Variants in INSYN2B observed in about 807,000 individuals in gnomAD.
INSYN2B encodes inhibitory synaptic factor family member 2B.
INSYN2B carries 16 observed loss-of-function variants against 41.2 expected under a neutral mutation model. The observed-to-expected ratio is 0.39, with a 90% CI of 0.26 to 0.59. INSYN2B has a LOEUF of 0.59. Ranked by LOEUF, INSYN2B falls within the 20% of genes least tolerant of loss-of-function variation. INSYN2B has a pLI of 0.57. For missense variants in INSYN2B, 608 were observed against 646.4 expected (o/e 0.94, Z 0.64); for synonymous variants, 245 against 244.4 (o/e 1.00, Z -0.02).
chr5:169,883,259 A>T lies in INSYN2B; in HGVS notation c.640T>A (p.Trp214Arg). The change falls in exon 2 of 4, where the codon TGG becomes AGG. Residue 214 changes from tryptophan to arginine, a missense_variant. Transcript: ENST00000377365. ...VPDDIYHSPS[W>R]EARESALSPD... ...CTGAGAGCAGACTCTCTAGCTTCCC[A>T]GGAAGGACTGTGATAAATATCATCT... 1 of 1,551,630 alleles carries T rather than the reference A, an allele frequency of 6.4e-7. No individual in the cohort carries two copies. Among genetic ancestry groups the T allele is most frequent in the East Asian group, 2.4e-5 (1 of 40,912 alleles).
At chr5:169,905,660 T>G (rs1274004445) in intron 1 of INSYN2B, among the ~76,000 whole-genome samples, 1 of 152,154 alleles carries the variant, frequency 6.6e-6, no homozygotes, top group African/African-American at 2.4e-5. Flanking sequence ...AGGCAGGGAC[T>G]GGACAAACCA....
At chr5:169,929,551 A>G (rs752826427) in intron 1 of INSYN2B, among the ~76,000 whole-genome samples, 1 of 152,054 alleles carries the variant, frequency 6.6e-6, no homozygotes, top group Non-Finnish European at 1.5e-5. Context: ...AGCCTGGGCA[A>G]CATGATGAAA....
intron 1 of INSYN2B, among the ~76,000 whole-genome samples, chr5:169,978,346 A>G (rs1777794069): frequency 8.7e-6 from 1 of 115,328 alleles, no homozygotes; most frequent in African/African-American, 3.4e-5. Flanking sequence ...CTCAGTTCAC[A>G]TGGCACTGCA....
chr5:169,966,076 T>G (rs913458540), intron 1 of INSYN2B, among the ~76,000 whole-genome samples: 1 of 152,208 alleles, frequency 6.6e-6, no homozygotes, highest in Non-Finnish European at 1.5e-5. Context: ...TCTGCCAATC[T>G]CGAAATGGCA....
intron 3 of INSYN2B, among the ~76,000 whole-genome samples, chr5:169,871,738 C>T (rs1422979822): frequency 6.6e-6 from 1 of 152,088 alleles, no homozygotes. Context: ...GCCTGGTGCT[C>T]CTGGATGACC....
intron 1 of INSYN2B, among the ~76,000 whole-genome samples, chr5:169,901,161 G>T (rs1352047198): frequency 6.6e-6 from 1 of 152,168 alleles, no homozygotes; most frequent in Non-Finnish European, 1.5e-5. Flanking sequence ...GAGGGATGGT[G>T]GGTGTGATTG....
intron 1 of INSYN2B, among the ~76,000 whole-genome samples, chr5:169,906,002 C>T (rs1774254617): frequency 6.6e-6 from 1 of 152,168 alleles, no homozygotes; most frequent in Admixed American, 6.5e-5. Context: ...TTTTCTCTTA[C>T]ACAAGGTTTA....
intron 1 of INSYN2B, among the ~76,000 whole-genome samples, chr5:169,931,171 A>G (rs1269905667): frequency 6.6e-6 from 1 of 152,228 alleles, no homozygotes; most frequent in African/African-American, 2.4e-5. Flanking sequence ...ATTTTGAGTC[A>G]TGAAAGTTAC....
rs537961076 is a variant in INSYN2B, at chr5:169,889,224, G to C, written c.-918-4408C>G. On this transcript the variant is annotated intron_variant, in intron 1 of 3. Transcript: ENST00000377365. ...TAAATATTTGCATAACTAATTAAGA[G>C]TGAAGGAATTAATTCACTTCCAACA... is the stretch of plus-strand genomic sequence containing the variant. 5.3e-5 allele frequency among the ~76,000 whole-genome samples: 8 copies of C among 152,334 alleles called. No individual in the cohort carries two copies. In the East Asian group the frequency reaches 1.5e-3, roughly 29 times the overall value.
In INSYN2B at chr5:169,862,065, T is replaced by C. The variant is rs193246029; in HGVS notation, c.*2208A>G. Among the ~76,000 whole-genome samples the C allele has an allele frequency of 6.6e-6, 1 of 152,316 alleles. No individual in the cohort carries two copies. The highest frequency in any genetic ancestry group is 1.9e-4 in the East Asian group (1 of 5,192). ...ATCTATGACCACATCAGCTTATTAA[T>C]TTTGTGTGAGGTACCTCAAACATCT... On this transcript the variant is annotated 3_prime_UTR_variant, in exon 4 of 4. Transcript: ENST00000377365.
chr5:169,910,287 C>T lies in INSYN2B; in HGVS notation c.-918-25471G>A, dbSNP rs576603796. ...ACAGGACATTGTTCCAAGCCGGTTA[C>T]CACCGCATGGAATATGTAAGGAAGA... On this transcript the variant is annotated intron_variant, in intron 1 of 3. Transcript: ENST00000377365. Among the ~76,000 whole-genome samples the T allele has an allele frequency of 1.2e-4, 19 of 152,286 alleles. No homozygotes were observed. In the South Asian group the frequency reaches 3.9e-3, roughly 32 times the overall value.
chr5:169,898,942 G>C (rs757683283), intron 1 of INSYN2B, among the ~76,000 whole-genome samples: 97 of 152,254 alleles, frequency 6.4e-4, no homozygotes, highest in Non-Finnish European at 1.2e-3. Flanking sequence ...GTGGTAGAAT[G>C]GTGGATTCAA....
At chr5:169,963,492 A>G (rs1777174079) in intron 1 of INSYN2B, among the ~76,000 whole-genome samples, 2 of 152,050 alleles carry the variant, frequency 1.3e-5, no homozygotes, top group Non-Finnish European at 2.9e-5. Context: ...CACTGCTGAT[A>G]TTCTCATTGT....
At chr5:169,936,768 A>G (rs959713558) in intron 1 of INSYN2B, among the ~76,000 whole-genome samples, 1 of 152,128 alleles carries the variant, frequency 6.6e-6, no homozygotes, top group African/African-American at 2.4e-5. Flanking sequence ...ATCTCTGATC[A>G]GAGGATACTA....
intron 1 of INSYN2B, among the ~76,000 whole-genome samples, chr5:169,932,937 G>A (rs531564111): frequency 1.3e-3 from 195 of 152,174 alleles, no homozygotes; most frequent in Non-Finnish European, 1.7e-3. Context: ...CTATAAAAAA[G>A]CCTATCTCTT....
intron 3 of INSYN2B, among the ~76,000 whole-genome samples, chr5:169,877,930 G>A (rs1772421603): frequency 6.6e-6 from 1 of 152,044 alleles, no homozygotes; most frequent in East Asian, 1.9e-4. Context: ...TGAACAGCAT[G>A]CTTGGATGGG....
chr5:169,945,113 A>C (rs1776392440), intron 1 of INSYN2B, among the ~76,000 whole-genome samples: 1 of 152,108 alleles, frequency 6.6e-6, no homozygotes, highest in Non-Finnish European at 1.5e-5. Context: ...CTGTGGTTTC[A>C]TTTTCTTTCT....
At chr5:169,927,648 G>A (rs1044105024) in intron 1 of INSYN2B, among the ~76,000 whole-genome samples, 1 of 152,198 alleles carries the variant, frequency 6.6e-6, no homozygotes, top group African/African-American at 2.4e-5. Flanking sequence ...ACGGAGTCTC[G>A]CTCTGTCGCC....
intron 3 of INSYN2B, among the ~76,000 whole-genome samples, chr5:169,872,681 A>G (rs6872720): frequency 0.35 from 52,818 of 152,030 alleles, 10,511 homozygotes; most frequent in Non-Finnish European, 0.44. Flanking sequence ...AACCCTCAGA[A>G]AGGGTAGATC....
Sources: allele counts gnomAD v4.1 joint callset (sites outside exome capture counted in the v4.1 genomes callset), GRCh38; gene constraint gnomAD v4.1.1; transcripts MANE v1.5; gene names NCBI Gene and HGNC (gene_info 2026-07-23, HGNC 2026-07-21).